The following RAP1GDS1 variants were observed in gnomAD, a reference collection of about 807,000 sequenced individuals.
The protein encoded by RAP1GDS1 is Rap1 GTPase-GDP dissociation stimulator 1.
Under a neutral mutation model 71.1 loss-of-function variants are expected in RAP1GDS1, and 35 were observed. The observed-to-expected ratio is 0.49, with a 90% CI of 0.38 to 0.65. RAP1GDS1 has a LOEUF of 0.65. Ranked by LOEUF, RAP1GDS1 falls within the 30% of genes least tolerant of loss-of-function variation. The pLI, the probability that RAP1GDS1 is intolerant of heterozygous loss-of-function variation, is 0.00. For missense variants in RAP1GDS1, 663 were observed against 706.1 expected (o/e 0.94, Z 0.69); for synonymous variants, 229 against 243.1 (o/e 0.94, Z 0.54).
At chr4:98,363,108 G>T (rs1303301295) in intron 4 of RAP1GDS1, among the ~76,000 whole-genome samples, 2 of 152,156 alleles carry the variant, frequency 1.3e-5, no homozygotes, top group Non-Finnish European at 2.9e-5. Flanking sequence ...GGTGAAGAAA[G>T]TTCTCTCTGT....
chr4:98,380,261 A>G (rs1741806441), intron 5 of RAP1GDS1, among the ~76,000 whole-genome samples: 1 of 151,736 alleles, frequency 6.6e-6, no homozygotes, highest in African/African-American at 2.4e-5. Flanking sequence ...TTGGCCAAAT[A>G]CTGCCCAATC....
intron 4 of RAP1GDS1, among the ~76,000 whole-genome samples, chr4:98,367,690 G>A (rs1195980746): frequency 1.3e-5 from 2 of 152,220 alleles, no homozygotes; most frequent in African/African-American, 4.8e-5. Flanking sequence ...AGTCAAAAGA[G>A]ATCATTTTGA....
intron 2 of RAP1GDS1, 21 bp downstream of exon 2, chr4:98,293,536 T>C: frequency 6.4e-7 from 1 of 1,554,400 alleles, no homozygotes; most frequent in East Asian, 2.3e-5. Flanking sequence ...TTATGTTTAC[T>C]CAAATTCCAA....
At chr4:98,282,530 A>G (rs1725281178) in intron 1 of RAP1GDS1, among the ~76,000 whole-genome samples, 1 of 148,218 alleles carries the variant, frequency 6.7e-6, no homozygotes, top group South Asian at 2.1e-4. Context: ...CTAGCGGTCT[A>G]TCAATTTTGT....
intron 1 of RAP1GDS1, 60 bp downstream of exon 1, chr4:98,261,629 A>G (rs1721981430): frequency 3.9e-6 from 6 of 1,554,508 alleles, no homozygotes; most frequent in East Asian, 2.3e-5. Context: ...GGCGTGCTGC[A>G]GGGTGGGAAG....
At chr4:98,261,810 C>T (rs1722021867) in intron 1 of RAP1GDS1, among the ~76,000 whole-genome samples, 1 of 152,054 alleles carries the variant, frequency 6.6e-6, no homozygotes, top group Non-Finnish European at 1.5e-5. Context: ...GCCCGGCTCC[C>T]CGGCACCTCG....
intron 5 of RAP1GDS1, among the ~76,000 whole-genome samples, chr4:98,381,545 G>C (rs1742026224): frequency 6.6e-6 from 1 of 151,430 alleles, no homozygotes; most frequent in South Asian, 2.1e-4. Context: ...GTTTGGTATT[G>C]ATCATGTGTA....
At chr4:98,336,449 T>G (rs1219913200) in intron 2 of RAP1GDS1, among the ~76,000 whole-genome samples, 1 of 152,154 alleles carries the variant, frequency 6.6e-6, no homozygotes, top group Non-Finnish European at 1.5e-5. Context: ...ACATCCTACA[T>G]TATCCCTGGA....
At chr4:98,332,668 A>G (rs1428377553) in intron 2 of RAP1GDS1, among the ~76,000 whole-genome samples, 1 of 152,210 alleles carries the variant, frequency 6.6e-6, no homozygotes, top group East Asian at 1.9e-4. Flanking sequence ...TACCATTCTA[A>G]ATGAAAAAGA....
At chr4:98,413,969 G>C (rs1233980673) in intron 7 of RAP1GDS1, among the ~76,000 whole-genome samples, 1 of 152,208 alleles carries the variant, frequency 6.6e-6, no homozygotes, top group Non-Finnish European at 1.5e-5. Context: ...CTGATGGCCA[G>C]TGATGATGAG....
chr4:98,296,718 A>C (rs1727807895), intron 2 of RAP1GDS1, among the ~76,000 whole-genome samples: 1 of 152,086 alleles, frequency 6.6e-6, no homozygotes, highest in South Asian at 2.1e-4. Context: ...TGGTTACTCT[A>C]TTTTATGGTT....
rs1743756127 is a variant in RAP1GDS1, at chr4:98,391,941, T to TG, written c.509-10dup. On this transcript the variant is annotated splice_polypyrimidine_tract_variant and intron_variant, in intron 5 of 14. Transcript: ENST00000408927. ...TTCTTTTCTGTTGTTGTTTTTTTTTTGTTTTTACAGATTCGCTTCAAGCTC... is the reference window on the plus strand; with the variant it reads ...TTCTTTTCTGTTGTTGTTTTTTTTTTGGTTTTTACAGATTCGCTTCAAGCTC... The TG allele has an allele frequency of 1.3e-6, 2 of 1,564,838 alleles. No individual in the cohort carries two copies. Among genetic ancestry groups the TG allele is most frequent in the African/African-American group, 2.8e-5 (2 of 72,172 alleles).
intron 1 of RAP1GDS1, among the ~76,000 whole-genome samples, chr4:98,275,794 A>G (rs748367873): frequency 3.9e-4 from 60 of 152,236 alleles, no homozygotes; most frequent in Non-Finnish European, 7.5e-4. Context: ...CATTCTTTTA[A>G]TATCATTGGG....
At chr4:98,316,950 A>C (rs1731030200) in intron 2 of RAP1GDS1, among the ~76,000 whole-genome samples, 1 of 152,074 alleles carries the variant, frequency 6.6e-6, no homozygotes, top group Non-Finnish European at 1.5e-5. Context: ...TGGGATGGGA[A>C]AGTCTTTAAT....
At chr4:98,283,607 T>TAA (rs1399266353) in intron 1 of RAP1GDS1, among the ~76,000 whole-genome samples, 1 of 152,162 alleles carries the variant, frequency 6.6e-6, no homozygotes, top group African/African-American at 2.4e-5. Context: ...CCTAAGAATT[T>TAA]AATTAAGAGG....
At chr4:98,435,378 T>C (rs963339739) in intron 13 of RAP1GDS1, among the ~76,000 whole-genome samples, 1 of 152,230 alleles carries the variant, frequency 6.6e-6, no homozygotes, top group African/African-American at 2.4e-5. Context: ...AGTGAACATA[T>C]ATTTTGTATA....
chr4:98,325,669 A>G (rs1732917475), intron 2 of RAP1GDS1, among the ~76,000 whole-genome samples: 1 of 150,092 alleles, frequency 6.7e-6, no homozygotes, highest in Non-Finnish European at 1.5e-5. Flanking sequence ...AACTATCGCA[A>G]GAACAAAAAA....
At chr4:98,415,214 GTCTTC>G (rs1747764313) in intron 7 of RAP1GDS1, among the ~76,000 whole-genome samples, 1 of 152,144 alleles carries the variant, frequency 6.6e-6, no homozygotes, top group Non-Finnish European at 1.5e-5. Context: ...ACCTTTGGTT[GTCTTC>G]TCTTGTTCTG....
chr4:98,273,282 A>G (rs934504342), intron 1 of RAP1GDS1, among the ~76,000 whole-genome samples: 1 of 152,200 alleles, frequency 6.6e-6, no homozygotes, highest in African/African-American at 2.4e-5. Flanking sequence ...AAAATGATGT[A>G]TAACATAACC....
Sources: allele counts gnomAD v4.1 joint callset (sites outside exome capture counted in the v4.1 genomes callset), GRCh38; gene constraint gnomAD v4.1.1; transcripts MANE v1.5; gene names NCBI Gene and HGNC (gene_info 2026-07-23, HGNC 2026-07-21).